DSCAM: variants seen among roughly 807,000 people sequenced by gnomAD.
The protein encoded by DSCAM is cell adhesion molecule DSCAM.
A neutral mutation model predicts 217.7 loss-of-function variants in DSCAM; 47 were observed. That is an observed-to-expected ratio of 0.22 (90% CI 0.17 to 0.28). The LOEUF (loss-of-function observed/expected upper bound fraction) is 0.28. DSCAM is among the 10% of genes least tolerant of loss of function. DSCAM has a pLI of 1.00. For missense variants in DSCAM, 2,080 were observed against 2,618.3 expected, an observed-to-expected ratio of 0.79 and a Z score of 4.49; for synonymous variants, 1,056 against 1,015.3, an observed-to-expected ratio of 1.04 and a Z score of -0.76.
chr21:40,782,112 A>G (rs920836592), intron 1 of DSCAM, among the ~76,000 whole-genome samples: 2 of 151,494 alleles, frequency 1.3e-5, no homozygotes, highest in Non-Finnish European at 2.9e-5. Flanking sequence ...CGGAGCTTGC[A>G]GTGAGCCGAG....
chr21:40,261,053 T>C (rs533708122), intron 11 of DSCAM, among the ~76,000 whole-genome samples: 4 of 152,248 alleles, frequency 2.6e-5, no homozygotes, highest in East Asian at 3.9e-4. Context: ...ACATAGACAA[T>C]AGCATGAGCA....
chr21:40,029,592 A>C (rs1238703727), intron 32 of DSCAM, among the ~76,000 whole-genome samples: 1 of 152,142 alleles, frequency 6.6e-6, no homozygotes, highest in African/African-American at 2.4e-5. Flanking sequence ...GCGGGCCCCA[A>C]GGCATGCAGA....
intron 3 of DSCAM, among the ~76,000 whole-genome samples, chr21:40,650,429 C>G (rs1329213049): frequency 3.9e-5 from 6 of 152,170 alleles, no homozygotes; most frequent in African/African-American, 1.4e-4. Context: ...AACATTATTT[C>G]TGGGTGTGTC....
At chr21:40,234,566 C>G (rs1036082651) in intron 11 of DSCAM, among the ~76,000 whole-genome samples, 12 of 152,172 alleles carry the variant, frequency 7.9e-5, no homozygotes, top group African/African-American at 2.9e-4. Context: ...TGTGACCATT[C>G]TAACTCCTGT....
At chr21:40,015,882 G>A (rs1472893499) in intron 32 of DSCAM, among the ~76,000 whole-genome samples, 1 of 152,216 alleles carries the variant, frequency 6.6e-6, no homozygotes, top group Non-Finnish European at 1.5e-5. Context: ...CTGACGCTGG[G>A]TCTGAGTTTC....
chr21:40,723,320 T>G (rs1015031928), intron 1 of DSCAM, among the ~76,000 whole-genome samples: 1 of 152,154 alleles, frequency 6.6e-6, no homozygotes, highest in African/African-American at 2.4e-5. Flanking sequence ...GGCTCTTAGC[T>G]GGAACACTTC....
chr21:40,092,347 G>C (rs1229795439), intron 21 of DSCAM, among the ~76,000 whole-genome samples: 2 of 152,194 alleles, frequency 1.3e-5, no homozygotes, highest in Admixed American at 1.3e-4. Context: ...ATATTATTAT[G>C]TGAAGCCACT....
intron 24 of DSCAM, among the ~76,000 whole-genome samples, chr21:40,081,922 C>T (rs943051424): frequency 1.3e-5 from 2 of 152,166 alleles, no homozygotes; most frequent in Non-Finnish European, 2.9e-5. Context: ...TCTACCTCTC[C>T]CATGCTCTCA....
intron 11 of DSCAM, among the ~76,000 whole-genome samples, chr21:40,249,813 A>G (rs557965132): frequency 2.0e-5 from 3 of 152,216 alleles, no homozygotes; most frequent in African/African-American, 7.2e-5. Flanking sequence ...GCCAGAAGAG[A>G]AGAGAACAAC....
At chr21:40,505,957 G>T (rs903562654) in intron 3 of DSCAM, among the ~76,000 whole-genome samples, 2 of 152,146 alleles carry the variant, frequency 1.3e-5, no homozygotes, top group African/African-American at 4.8e-5. Context: ...TTTCATTCAA[G>T]AAAATGTTCA....
chr21:40,659,577 T>C (rs1335050776), intron 3 of DSCAM, among the ~76,000 whole-genome samples: 1 of 152,350 alleles, frequency 6.6e-6, no homozygotes, highest in South Asian at 2.1e-4. Context: ...TCTATGTATC[T>C]ATCTTTCATC....
chr21:40,570,712 A>G (rs568203032), intron 3 of DSCAM, among the ~76,000 whole-genome samples: 41 of 152,358 alleles, frequency 2.7e-4, no homozygotes, highest in Admixed American at 5.9e-4. Flanking sequence ...AGATGGAACT[A>G]TCAGGACGTA....
At chr21:40,674,035 T>G (rs2090308199) in intron 3 of DSCAM, among the ~76,000 whole-genome samples, 1 of 152,258 alleles carries the variant, frequency 6.6e-6, no homozygotes. Flanking sequence ...ACAATCACTT[T>G]GACATTCGTG....
At chr21:40,182,059 C>T (rs983740205) in intron 14 of DSCAM, among the ~76,000 whole-genome samples, 6 of 151,920 alleles carry the variant, frequency 3.9e-5, no homozygotes, top group African/African-American at 1.5e-4. Context: ...GTCAGATACC[C>T]CAAATCCAGT....
intron 11 of DSCAM, among the ~76,000 whole-genome samples, chr21:40,227,729 T>C (rs886183143): frequency 2.0e-5 from 3 of 152,228 alleles, no homozygotes; most frequent in African/African-American, 7.2e-5. Flanking sequence ...AAAGTTGAGA[T>C]AATAACACAG....
chr21:40,316,095 T>A (rs957800627), intron 8 of DSCAM, among the ~76,000 whole-genome samples: 2 of 152,264 alleles, frequency 1.3e-5, no homozygotes, highest in East Asian at 3.9e-4. Context: ...AATAAAAAGA[T>A]ACATTTAAAA....
rs368772923 is a variant in DSCAM, at chr21:40,457,512, A to C, written c.509-88267T>G. Among the ~76,000 whole-genome samples the C allele has an allele frequency of 3.5e-4, 51 of 147,114 alleles. No homozygotes were observed. In the South Asian group the frequency reaches 0.011, roughly 31 times the overall value. On this transcript the variant is annotated intron_variant, in intron 3 of 32. Transcript: ENST00000400454. Reference sequence around the variant, plus strand: ...GGGGGACAGAGAAAGACCCTGTCTCAAAAAAAATAATAAAATAAAACAAAC... The same window carrying C: ...GGGGGACAGAGAAAGACCCTGTCTCCAAAAAAATAATAAAATAAAACAAAC...
intron 3 of DSCAM, among the ~76,000 whole-genome samples, chr21:40,436,664 A>G (rs973617348): frequency 6.6e-6 from 1 of 152,210 alleles, no homozygotes; most frequent in Non-Finnish European, 1.5e-5. Context: ...TGTCAGGAAC[A>G]GCTACAAAGC....
intron 32 of DSCAM, among the ~76,000 whole-genome samples, chr21:40,038,140 A>T (rs113815712): frequency 6.6e-6 from 1 of 151,484 alleles, no homozygotes. Flanking sequence ...CCAAAAGCAA[A>T]GGCAACAAAA....
Sources: allele counts gnomAD v4.1 joint callset (sites outside exome capture counted in the v4.1 genomes callset), GRCh38; gene constraint gnomAD v4.1.1; transcripts MANE v1.5; gene names NCBI Gene and HGNC (gene_info 2026-07-23, HGNC 2026-07-21).